Variants in ARHGAP18 observed in about 807,000 individuals in gnomAD.
ARHGAP18 encodes rho GTPase-activating protein 18.
A neutral mutation model predicts 86.2 loss-of-function variants in ARHGAP18; 67 were observed. That is an observed-to-expected ratio of 0.78 (90% CI 0.64 to 0.95). The LOEUF (loss-of-function observed/expected upper bound fraction) is 0.95. ARHGAP18 is among the 40% of genes least tolerant of loss of function. The probability of loss-of-function intolerance (pLI) is 0.00; values close to 1 mark genes in which losing one functional copy is unlikely to be tolerated. For synonymous variants in ARHGAP18, 283 were observed against 280.4 expected, an observed-to-expected ratio of 1.01 and a Z score of -0.09; for missense variants, 691 against 780.4, an observed-to-expected ratio of 0.89 and a Z score of 1.37.
rs748518553 is a variant in ARHGAP18, at chr6:129,641,800, TTTAG to T, written c.316+12_316+15del. 3 of 1,601,046 alleles carry T rather than the reference TTTAG, an allele frequency of 1.9e-6. No homozygotes were observed. The Admixed American group carries it at 5.0e-5, about 27-fold the overall frequency. Reference sequence around the variant, plus strand: ...ACATATACAAACAACAAAAGCTTTATTTAGTTAGTTATTACCATCAGGCTCTTTG... The same window carrying T: ...ACATATACAAACAACAAAAGCTTTATTTAGTTATTACCATCAGGCTCTTTG... On this transcript the variant is annotated intron_variant, in intron 2 of 14. Coordinates refer to ENST00000368149, the MANE Select transcript of ARHGAP18 (RefSeq NM_033515.3).
chr6:129,678,397 A>G (rs932174011), intron 1 of ARHGAP18, among the ~76,000 whole-genome samples: 1 of 152,234 alleles, frequency 6.6e-6, no homozygotes, highest in Non-Finnish European at 1.5e-5. Flanking sequence ...TTGCTCAAAC[A>G]TATACAACAC....
At chr6:129,697,222 G>A (rs1463769626) in intron 1 of ARHGAP18, among the ~76,000 whole-genome samples, 5 of 152,198 alleles carry the variant, frequency 3.3e-5, no homozygotes, top group Non-Finnish European at 7.3e-5. Flanking sequence ...AAACAAAGGT[G>A]TACATGAAGA....
At chr6:129,641,667 G>C (rs910952093) in intron 2 of ARHGAP18, 149 bp downstream of exon 2, 7 of 695,382 alleles carry the variant, frequency 1.0e-5, no homozygotes, top group African/African-American at 3.6e-5. Context: ...CCATAAATCT[G>C]CCTCAAACAA....
chr6:129,632,532 T>C (rs562790357), intron 4 of ARHGAP18, among the ~76,000 whole-genome samples: 13 of 152,244 alleles, frequency 8.5e-5, no homozygotes, highest in African/African-American at 2.9e-4. Context: ...CCAAAACATA[T>C]TGACATTGGC....
chr6:129,594,808 A>G (rs1788583956), intron 12 of ARHGAP18, among the ~76,000 whole-genome samples: 1 of 152,176 alleles, frequency 6.6e-6, no homozygotes, highest in Admixed American at 6.6e-5. Context: ...TCGATTCTCA[A>G]CTGGGCCTTG....
chr6:129,696,113 G>A (rs1473115515), intron 1 of ARHGAP18, among the ~76,000 whole-genome samples: 1 of 152,130 alleles, frequency 6.6e-6, no homozygotes, highest in Non-Finnish European at 1.5e-5. Context: ...TTAAATACTG[G>A]CAATTAATTT....
chr6:129,608,110 T>C, intron 8 of ARHGAP18, 58 bp from the exon 9 acceptor site: 1 of 1,497,736 alleles, frequency 6.7e-7, no homozygotes, highest in Non-Finnish European at 8.8e-7. Flanking sequence ...GTGCATTTTT[T>C]TTCTTGCTGA....
chr6:129,693,667 C>G, intron 1 of ARHGAP18, among the ~76,000 whole-genome samples: 1 of 152,164 alleles, frequency 6.6e-6, no homozygotes, highest in East Asian at 1.9e-4. Flanking sequence ...AAAACAATAA[C>G]TGCACTGACT....
At chr6:129,637,811 G>A (rs142060936) in intron 3 of ARHGAP18, among the ~76,000 whole-genome samples, 28 of 152,312 alleles carry the variant, frequency 1.8e-4, no homozygotes, top group Admixed American at 3.3e-4. Context: ...AATGTGCTGT[G>A]ATTCTGGGGG....
At chr6:129,662,714 T>G (rs1217472311) in intron 1 of ARHGAP18, among the ~76,000 whole-genome samples, 2 of 152,224 alleles carry the variant, frequency 1.3e-5, no homozygotes, top group Non-Finnish European at 2.9e-5. Context: ...GATACAAGAT[T>G]CACTGCTCTC....
At chr6:129,625,897 T>TAG (rs1469656601) in intron 5 of ARHGAP18, among the ~76,000 whole-genome samples, 4 of 80,516 alleles carry the variant, frequency 5.0e-5, no homozygotes, top group Admixed American at 4.2e-4. Flanking sequence ...TTATATATTA[T>TAG]ATATTTATAT....
At chr6:129,603,327 G>A (rs1341228928) in intron 10 of ARHGAP18, among the ~76,000 whole-genome samples, 1 of 152,116 alleles carries the variant, frequency 6.6e-6, no homozygotes, top group African/African-American at 2.4e-5. Flanking sequence ...ATTATTTCAT[G>A]CTGTCTTATG....
At chr6:129,584,692 T>C (rs1788359378) in intron 12 of ARHGAP18, among the ~76,000 whole-genome samples, 1 of 152,218 alleles carries the variant, frequency 6.6e-6, no homozygotes, top group Non-Finnish European at 1.5e-5. Context: ...ATTTTATGGA[T>C]TCGAGGATAC....
At chr6:129,608,604 C>T (rs1364244441) in intron 8 of ARHGAP18, among the ~76,000 whole-genome samples, 1 of 152,172 alleles carries the variant, frequency 6.6e-6, no homozygotes, top group Non-Finnish European at 1.5e-5. Flanking sequence ...GCACAGCCAT[C>T]CTGCTGCCAG....
chr6:129,637,680 C>T (rs948687947), intron 3 of ARHGAP18, among the ~76,000 whole-genome samples: 1 of 152,166 alleles, frequency 6.6e-6, no homozygotes, highest in Non-Finnish European at 1.5e-5. Context: ...TCAAAAAAGG[C>T]AAACACAAAG....
At chr6:129,596,287 C>T (rs1355120048) in intron 12 of ARHGAP18, among the ~76,000 whole-genome samples, 1 of 152,114 alleles carries the variant, frequency 6.6e-6, no homozygotes, top group Non-Finnish European at 1.5e-5. Context: ...ACACTCACTC[C>T]TTAAGGTAAG....
At position 129,649,675 on chromosome 6, in the gene ARHGAP18, G is replaced by GA. The variant is rs532314871; in HGVS notation, c.114-7658dup. On this transcript the variant is annotated intron_variant, in intron 1 of 14. Transcript: ENST00000368149. ...CTCACTTTTGACAGTGGGTAGAAAA[G>GA]AAAAAAAAAAAATCCTCAGCAGAAC... is the stretch of plus-strand genomic sequence containing the variant. Among the ~76,000 whole-genome samples, 306 of 135,598 alleles carry GA rather than the reference G, an allele frequency of 2.3e-3. 1 individual carries two copies. Among genetic ancestry groups the GA allele is most frequent in the African/African-American group, 6.5e-3 (237 of 36,666 alleles). 89.0% of individuals were successfully genotyped at this position (135,598 alleles called of 152,430 possible).
chr6:129,673,486 A>T (rs1297085078), intron 1 of ARHGAP18, among the ~76,000 whole-genome samples: 1 of 152,228 alleles, frequency 6.6e-6, no homozygotes, highest in Non-Finnish European at 1.5e-5. Context: ...GGATAGAGTA[A>T]AGGAAATCAC....
Position 129,629,406 on chromosome 6 carries a change from C to G in ARHGAP18, c.733G>C (p.Glu245Gln), listed in dbSNP as rs1238431856. The change falls in exon 5 of 15, where the codon GAG (glutamate) becomes CAG (glutamine). Residue 245 changes from glutamate to glutamine, a missense_variant. Coordinates refer to ENST00000368149, the MANE Select transcript of ARHGAP18 (RefSeq NM_033515.3). ...SFAEQALNQKESSKEKIQKSK... is the reference protein window; with the variant it reads ...SFAEQALNQKQSSKEKIQKSK... ...TTCTGGATTTTCTCCTTGGAGCTCT[C>G]TTTCTGATTGAGTGCTTGCTCGGCA... 6.2e-7 allele frequency: 1 copy of G among 1,613,836 alleles called. No individual in the cohort carries two copies. Among genetic ancestry groups the G allele is most frequent in the African/African-American group, 1.3e-5 (1 of 74,830 alleles).
Sources: allele counts gnomAD v4.1 joint callset (sites outside exome capture counted in the v4.1 genomes callset), GRCh38; gene constraint gnomAD v4.1.1; transcripts MANE v1.5; gene names NCBI Gene and HGNC (gene_info 2026-07-23, HGNC 2026-07-21).